The following KRT7 variants were observed in gnomAD, a reference collection of about 807,000 sequenced individuals.
KRT7 encodes the protein keratin 7, also known as keratin, type II cytoskeletal 7.
Under a neutral mutation model 42.8 loss-of-function variants are expected in KRT7, and 50 were observed. The ratio of observed to expected loss-of-function variants is 1.17; its 90% CI spans 0.93 to 1.48. KRT7 has a LOEUF of 1.48. KRT7 is among the 40% of genes most tolerant of loss of function. The pLI is 0.00. For missense variants in KRT7, 588 were observed against 637.6 expected (o/e 0.92, Z 0.84); for synonymous variants, 268 against 266.3 (o/e 1.01, Z -0.06).
chr12:52,247,835 AT>A (rs5798205), intron 7 of KRT7: 86,302 of 344,428 alleles, frequency 0.25, 13,197 homozygotes, highest in East Asian at 0.59. Flanking sequence ...TACAGCTACC[AT>A]TCACCGAATC....
At chr12:52,242,834 G>C (rs1942113716) in intron 5 of KRT7, among the ~76,000 whole-genome samples, 178 bp from the exon 6 acceptor site, 1 of 152,192 alleles carries the variant, frequency 6.6e-6, no homozygotes, top group South Asian at 2.1e-4. Context: ...GCTTGGAGGA[G>C]AATGAATCCC....
In KRT7 at chr12:52,234,661, G is replaced by A. The variant is rs12307994; in HGVS notation, c.325-494G>A. On this transcript the variant is annotated intron_variant, in intron 1 of 8. Transcript: ENST00000331817. ...ATTGCCTCCCACCTCCAGTCATACC[G>A]GCTACTCCTTAAGGGCCTTTGTGGG... Among the ~76,000 whole-genome samples, 720 of 152,186 alleles carry A rather than the reference G, an allele frequency of 4.7e-3. 32 individuals carry two copies. The highest frequency in any genetic ancestry group is 0.037 in the Admixed American group (560 of 15,296).
downstream of KRT7, among the ~76,000 whole-genome samples, chr12:52,253,930 C>T (rs1219233687): frequency 6.6e-6 from 1 of 152,150 alleles, no homozygotes; most frequent in Non-Finnish European, 1.5e-5. Context: ...CCTCAGGACT[C>T]CTCAAGCCCA....
intron 5 of KRT7, 101 bp from the exon 6 acceptor site, chr12:52,242,911 C>G: frequency 7.3e-7 from 1 of 1,372,364 alleles, no homozygotes; most frequent in Admixed American, 2.2e-5. Context: ...CTGTCCTTCC[C>G]TGAAAATATA....
At position 52,238,785 on chromosome 12, in the gene KRT7, A is replaced by T. The variant is rs372536773; in HGVS notation, c.693+10A>T. 49 of 1,555,080 alleles carry T rather than the reference A, an allele frequency of 3.2e-5. No homozygotes were observed. Among genetic ancestry groups the T allele is most frequent in the Non-Finnish European group, 3.6e-6 (4 of 1,126,112 alleles). On this transcript the variant is annotated intron_variant, in intron 4 of 8. Coordinates refer to ENST00000331817, the MANE Select transcript of KRT7 (RefSeq NM_005556.4). The stretch of plus-strand genomic sequence containing the variant: ...GACCCTCAATGAGACGGTGAGGACC[A>T]TGGAGCTGGGTGACATGTCTTATCC...
At chr12:52,250,349 G>A (rs1942244952), downstream of KRT7, 9 of 352,868 alleles carry the variant, frequency 2.6e-5, no homozygotes, top group Non-Finnish European at 4.8e-5. Flanking sequence ...GGGGGCCGAT[G>A]GGGAGGCTGG....
rs188098683 is a variant in KRT7, at chr12:52,237,391, T to C, written c.537-118T>C. The C allele has an allele frequency of 1.4e-5, 9 of 655,602 alleles. No homozygotes were observed. In the Admixed American group the frequency reaches 2.6e-4, roughly 19 times the overall value. The allele number at this position is 655,602 out of a possible 1,614,324, so 40.6% of individuals were successfully genotyped here. On this transcript the variant is annotated intron_variant, in intron 2 of 8. Transcript: ENST00000331817. The stretch of plus-strand genomic sequence containing the variant: ...TGTAGCTGACACCTGTTTTTTCAGG[T>C]GTGTCTTTAAAGAGTAGGGGAAGGG...
chr12:52,239,799 C>T (rs1942059593), intron 4 of KRT7, among the ~76,000 whole-genome samples: 1 of 152,170 alleles, frequency 6.6e-6, no homozygotes, highest in Middle Eastern at 3.2e-3. Context: ...TAATGTCCTC[C>T]CTTCCCTTCT....
downstream of KRT7, chr12:52,252,624 C>T (rs1174567422): frequency 1.9e-5 from 19 of 1,005,344 alleles, no homozygotes; most frequent in Non-Finnish European, 2.4e-5. Context: ...TGCTCCCAGG[C>T]ATGTTTGCAC....
downstream of KRT7, chr12:52,255,549 T>C: frequency 2.5e-6 from 1 of 406,136 alleles, no homozygotes; most frequent in Non-Finnish European, 5.0e-6. Context: ...AGGGAACTTG[T>C]CCATCCCTTT....
intron 6 of KRT7, among the ~76,000 whole-genome samples, chr12:52,243,839 A>G (rs1942130237): frequency 6.6e-6 from 1 of 152,236 alleles, no homozygotes; most frequent in Non-Finnish European, 1.5e-5. Context: ...TAAGTGATTG[A>G]TGGTCCCTAC....
downstream of KRT7, chr12:52,253,318 C>T (rs560111185): frequency 9.0e-5 from 145 of 1,612,876 alleles, no homozygotes; most frequent in African/African-American, 1.1e-3. Context: ...GCCTGATCAC[C>T]GTGGCCTTCA....
chr12:52,241,582 T>A lies in KRT7; in HGVS notation c.804T>A (p.Tyr268Ter), dbSNP rs1942091580. The change falls in exon 5 of 9, where the codon TAT becomes TAA. Residue 268 changes from tyrosine (Y) to a stop codon, truncating the protein, a stop_gained. Coordinates refer to ENST00000331817, the MANE Select transcript of KRT7 (RefSeq NM_005556.4). LOFTEE classifies it high-confidence loss of function. Reference sequence around the variant, plus strand: ...TCATCGCTGAGGTCAAGGCGCAGTATGAGGAGATGGCCAAATGCAGCCGGG... The same window carrying A: ...TCATCGCTGAGGTCAAGGCGCAGTAAGAGGAGATGGCCAAATGCAGCCGGG... Reference protein sequence around the residue: ...DGIIAEVKAQYEEMAKCSRAE... With the variant: ...DGIIAEVKAQ 1.2e-6 allele frequency: 2 copies of A among 1,613,618 alleles called. No individual in the cohort carries two copies. The highest frequency in any genetic ancestry group is 4.5e-5 in the East Asian group (2 of 44,856).
chr12:52,238,845 C>G, intron 4 of KRT7, 70 bp downstream of exon 4: 3 of 971,082 alleles, frequency 3.1e-6, no homozygotes, highest in Non-Finnish European at 4.9e-6. Context: ...CTGGTCCAGC[C>G]CCCCGCCTCT....
In KRT7 at chr12:52,245,532, G is replaced by A. The variant is rs1412970823; in HGVS notation, c.1105G>A (p.Ala369Thr). ...CCTGCAGCGGGGCAAGCAGGATATG[G>A]CACGGCAGCTGCGTGAGTACCAGGA... Reference protein sequence around the residue: ...AALQRGKQDMARQLREYQELM... With the variant: ...AALQRGKQDMTRQLREYQELM... The change falls in exon 7 of 9, where the codon GCA (alanine) becomes ACA (threonine). Residue 369 changes from alanine to threonine, a missense_variant. Physicochemically the swap from Ala to Thr is moderately conservative, Grantham distance 58. Coordinates refer to ENST00000331817, the MANE Select transcript of KRT7 (RefSeq NM_005556.4). The A allele has an allele frequency of 6.2e-7, 1 of 1,614,176 alleles. No individual in the cohort carries two copies. The highest frequency in any genetic ancestry group is 8.5e-7 in the Non-Finnish European group (1 of 1,180,024).
chr12:52,234,127 A>AGGGGGGGGG (rs574825664), intron 1 of KRT7, among the ~76,000 whole-genome samples: 2 of 82,846 alleles, frequency 2.4e-5, no homozygotes, highest in African/African-American at 4.9e-5. Flanking sequence ...GGGGCGGGGG[A>AGGGGGGGGG]GGGGGGGGGG....
downstream of KRT7, chr12:52,253,289 C>T (rs756720024): frequency 2.4e-5 from 38 of 1,612,660 alleles, 1 homozygote; most frequent in Middle Eastern, 1.6e-3. Flanking sequence ...CTCCTTGGTG[C>T]GGCGCAGGGT....
At chr12:52,237,076 A>G (rs182864234) in intron 2 of KRT7, among the ~76,000 whole-genome samples, 3 of 152,346 alleles carry the variant, frequency 2.0e-5, no homozygotes, top group Non-Finnish European at 2.9e-5. Context: ...TGACCTGGGC[A>G]GATTACGCTG....
At chr12:52,251,549 A>G (rs1592400290), downstream of KRT7, among the ~76,000 whole-genome samples, 1 of 152,362 alleles carries the variant, frequency 6.6e-6, no homozygotes, top group East Asian at 1.9e-4. Flanking sequence ...AAATCTGTAC[A>G]GCATGTGACT....
Sources: gnomAD v4.1 joint callset for allele counts (sites outside exome capture counted in the v4.1 genomes callset) on GRCh38, gnomAD v4.1.1 for gene constraint, MANE v1.5 for transcripts, NCBI Gene and HGNC (gene_info 2026-07-23, HGNC 2026-07-21) for gene names.